Variants in POLR1A observed in about 807,000 individuals in gnomAD.
The protein encoded by POLR1A is RNA polymerase I subunit A.
Under a neutral mutation model 205.3 loss-of-function variants are expected in POLR1A, and 84 were observed. That is an observed-to-expected ratio of 0.41 (90% CI 0.34 to 0.49). POLR1A has a LOEUF of 0.49. POLR1A is among the 20% of genes least tolerant of loss of function. The pLI is 0.22. For synonymous variants in POLR1A, 799 were observed against 863.7 expected (o/e 0.93, Z 1.31); for missense variants, 1,645 against 2,204.5 (o/e 0.75, Z 5.08).
chr2:86,047,527 G>C (rs543586391), intron 18 of POLR1A, among the ~76,000 whole-genome samples: 2 of 152,294 alleles, frequency 1.3e-5, no homozygotes, highest in African/African-American at 4.8e-5. Context: ...TGGCCAAAGA[G>C]CAGCAAAAAG....
At position 86,047,807 on chromosome 2, in the gene POLR1A, G is replaced by A. The variant is rs549641377; in HGVS notation, c.2635-544C>T. Among the ~76,000 whole-genome samples, 12 of 152,284 alleles carry A rather than the reference G, an allele frequency of 7.9e-5. No individual in the cohort carries two copies. The East Asian group carries it at 2.3e-3, about 29-fold the overall frequency. On this transcript the variant is annotated intron_variant, in intron 18 of 33. Transcript: ENST00000263857. Reference sequence around the variant, plus strand: ...GGATCCTGGGGAGATGCTGAGAAGGGGGCTCTGAGTCTGGGGCTTCTAGCC... The same window carrying A: ...GGATCCTGGGGAGATGCTGAGAAGGAGGCTCTGAGTCTGGGGCTTCTAGCC...
chr2:86,034,676 C>T (rs956808952), intron 27 of POLR1A, among the ~76,000 whole-genome samples: 3 of 152,136 alleles, frequency 2.0e-5, no homozygotes, highest in Non-Finnish European at 2.9e-5. Flanking sequence ...TCCAGCCAGC[C>T]GTCCCACTTT....
intron 14 of POLR1A, among the ~76,000 whole-genome samples, chr2:86,057,180 G>A (rs758102178): frequency 2.0e-4 from 31 of 152,126 alleles, no homozygotes; most frequent in Non-Finnish European, 3.7e-4. Flanking sequence ...CAGGAGTTTG[G>A]AACAAGTTGA....
chr2:86,098,082 TA>T (rs1354134151), intron 3 of POLR1A, among the ~76,000 whole-genome samples: 7 of 152,112 alleles, frequency 4.6e-5, no homozygotes, highest in African/African-American at 1.7e-4. Context: ...GCATTACCAA[TA>T]GGTGAACAAC....
intron 27 of POLR1A, 74 bp from the exon 28 acceptor site, chr2:86,033,861 G>A: frequency 6.4e-7 from 1 of 1,551,462 alleles, no homozygotes; most frequent in Non-Finnish European, 8.8e-7. Context: ...TGGGGGATAG[G>A]ACGCTGAGGG....
At chr2:86,081,014 T>C (rs1353608798) in intron 8 of POLR1A, 36 bp from the exon 9 acceptor site, 1 of 1,578,992 alleles carries the variant, frequency 6.3e-7, no homozygotes, top group Non-Finnish European at 8.6e-7. Context: ...GAATGTTTAG[T>C]GTGAGGAAAG....
intron 13 of POLR1A, among the ~76,000 whole-genome samples, chr2:86,068,980 C>T (rs1673130517): frequency 6.6e-6 from 1 of 152,240 alleles, no homozygotes; most frequent in Non-Finnish European, 1.5e-5. Context: ...TAGCACAAAC[C>T]CTAGGAAGAT....
At chr2:86,097,291 G>A (rs1363955801) in intron 3 of POLR1A, among the ~76,000 whole-genome samples, 3 of 142,046 alleles carry the variant, frequency 2.1e-5, no homozygotes, top group Non-Finnish European at 4.5e-5. Context: ...ATACACTGTT[G>A]GTGGGAATGT....
chr2:86,101,838 G>C (rs1673827775), intron 1 of POLR1A, among the ~76,000 whole-genome samples: 1 of 151,934 alleles, frequency 6.6e-6, no homozygotes, highest in Non-Finnish European at 1.5e-5. Flanking sequence ...TTTCTGTTTT[G>C]ATTAATCTGA....
intron 1 of POLR1A, among the ~76,000 whole-genome samples, chr2:86,101,266 G>A (rs933962839): frequency 2.6e-5 from 4 of 152,180 alleles, no homozygotes; most frequent in Non-Finnish European, 5.9e-5. Context: ...AGGCTGAAAC[G>A]AGAGTCCCCT....
chr2:86,038,873 C>T lies in POLR1A; in HGVS notation c.3877-16G>A, dbSNP rs1558764404. On this transcript the variant is annotated splice_polypyrimidine_tract_variant and intron_variant, in intron 26 of 33. Transcript: ENST00000263857. ...TCTGCAACACCTGGAACCAGACGGACAGAGAGAACTTGACTTGTTCAGGTC... is the reference window on the plus strand; with the variant it reads ...TCTGCAACACCTGGAACCAGACGGATAGAGAGAACTTGACTTGTTCAGGTC... The T allele has an allele frequency of 1.2e-5, 20 of 1,613,462 alleles. No homozygotes were observed. Among genetic ancestry groups the T allele is most frequent in the Non-Finnish European group, 1.7e-5 (20 of 1,179,638 alleles).
chr2:86,035,519 G>A (rs1022623231), intron 27 of POLR1A, among the ~76,000 whole-genome samples: 6 of 152,190 alleles, frequency 3.9e-5, no homozygotes, highest in African/African-American at 1.2e-4. Context: ...GTGGGGGTGC[G>A]GGGCTCAGCT....
intron 6 of POLR1A, among the ~76,000 whole-genome samples, chr2:86,084,054 T>C (rs1039296847): frequency 2.6e-5 from 4 of 152,166 alleles, no homozygotes; most frequent in South Asian, 2.1e-4. Flanking sequence ...GCAGATCACC[T>C]GAGGAGTTTG....
chr2:86,078,527 A>T (rs1673339279), intron 9 of POLR1A, among the ~76,000 whole-genome samples: 1 of 152,222 alleles, frequency 6.6e-6, no homozygotes, highest in Non-Finnish European at 1.5e-5. Flanking sequence ...AGATGAACTC[A>T]AAATTTATAA....
At chr2:86,058,398 C>CG (rs1672937430) in intron 14 of POLR1A, among the ~76,000 whole-genome samples, 2 of 120,094 alleles carry the variant, frequency 1.7e-5, no homozygotes, top group Non-Finnish European at 3.4e-5. Context: ...CTCACCCAGC[C>CG]TTTTTTTTTT....
At chr2:86,053,799 T>C (rs3770082) in intron 15 of POLR1A, among the ~76,000 whole-genome samples, 1 of 152,116 alleles carries the variant, frequency 6.6e-6, no homozygotes, top group Admixed American at 6.5e-5. Flanking sequence ...CTCAGAGTTA[T>C]GGGTGTGGAG....
chr2:86,042,392 T>A (rs1017579634), intron 23 of POLR1A, among the ~76,000 whole-genome samples: 8 of 152,216 alleles, frequency 5.3e-5, no homozygotes, highest in Non-Finnish European at 8.8e-5. Flanking sequence ...GAGACTGTTA[T>A]GATTAGGCTA....
intron 19 of POLR1A, 130 bp from the exon 20 acceptor site, chr2:86,045,899 C>G: frequency 1.4e-6 from 1 of 727,956 alleles, no homozygotes; most frequent in South Asian, 1.8e-5. Context: ...GAAGGCTAAC[C>G]TACATTTCTA....
At chr2:86,078,883 C>G (rs1038231835) in intron 9 of POLR1A, among the ~76,000 whole-genome samples, 2 of 152,092 alleles carry the variant, frequency 1.3e-5, no homozygotes, top group African/African-American at 4.8e-5. Flanking sequence ...AATATTTTTG[C>G]CCCTAGCCCT....
Sources: allele counts gnomAD v4.1 joint callset (sites outside exome capture counted in the v4.1 genomes callset), GRCh38; gene constraint gnomAD v4.1.1; transcripts MANE v1.5; gene names NCBI Gene and HGNC (gene_info 2026-07-23, HGNC 2026-07-21).